MYO1H: variants seen among roughly 807,000 people sequenced by gnomAD.
The protein encoded by MYO1H is myosin IH.
MYO1H carries 118 observed loss-of-function variants against 149.3 expected under a neutral mutation model. The observed-to-expected ratio is 0.79, with a 90% CI of 0.68 to 0.92. The LOEUF is 0.92. Among genes scored for constraint, MYO1H ranks in the 40% least tolerant of loss-of-function variants. The pLI, the probability that MYO1H is intolerant of heterozygous loss-of-function variation, is 0.00. For synonymous variants in MYO1H, 447 were observed against 465.2 expected, an observed-to-expected ratio of 0.96 and a Z score of 0.50; for missense variants, 1,212 against 1,280.7, an observed-to-expected ratio of 0.95 and a Z score of 0.82.
intron 5 of MYO1H, among the ~76,000 whole-genome samples, chr12:109,398,424 G>T (rs999976224): frequency 2.0e-5 from 3 of 152,080 alleles, no homozygotes; most frequent in African/African-American, 4.8e-5. Flanking sequence ...ATGCCAGCAT[G>T]ATATCATTTT....
In MYO1H at chr12:109,427,409, C is replaced by T. The variant is rs984626943; in HGVS notation, c.1832-60C>T. On this transcript the variant is annotated intron_variant, in intron 18 of 31. Transcript: ENST00000310903. Reference sequence around the variant, plus strand: ...CTTCAGCTTGCAGCCTGTGATCTGCCTTGGTTGATATGAAGCCATGGGATC... The same window carrying T: ...CTTCAGCTTGCAGCCTGTGATCTGCTTTGGTTGATATGAAGCCATGGGATC... 4.4e-6 allele frequency: 5 copies of T among 1,127,460 alleles called. No homozygotes were observed. The Admixed American group carries it at 6.8e-5, about 15-fold the overall frequency. The allele number at this position is 1,127,460 out of a possible 1,614,324, so 69.8% of individuals were successfully genotyped here.
At chr12:109,390,782 C>T (rs1014215838) in intron 2 of MYO1H, among the ~76,000 whole-genome samples, 10 of 152,154 alleles carry the variant, frequency 6.6e-5, no homozygotes, top group African/African-American at 2.4e-4. Flanking sequence ...TCTCCTGCCT[C>T]AGCCTCCCAA....
chr12:109,409,263 T>C (rs1468368827), intron 10 of MYO1H, among the ~76,000 whole-genome samples: 2 of 112,984 alleles, frequency 1.8e-5, no homozygotes, highest in Non-Finnish European at 3.5e-5. Flanking sequence ...TTTTTTTTTT[T>C]TTTTTTTTTT....
exon 32 of MYO1H, chr12:109,447,486 G>A: frequency 2.0e-6 from 1 of 494,338 alleles, no homozygotes; most frequent in Non-Finnish European, 3.7e-6. Flanking sequence ...GTCATTAGAG[G>A]GTGGGCAAGA....
At chr12:109,396,437 A>G (rs780617590) in exon 4 of MYO1H, 6 of 1,613,810 alleles carry the variant, frequency 3.7e-6, no homozygotes, top group East Asian at 2.2e-5. Context: ...CTAAATAACC[A>G]TTTCATCCTC....
At chr12:109,318,967 G>GTTTTTTTTTTTTTTTTTTTTTTTTTTTTT in the MYO1H span, among the ~76,000 whole-genome samples, 9 of 79,596 alleles carry the variant, frequency 1.1e-4, 1 homozygote, top group Admixed American at 3.3e-4. Flanking sequence ...TGCGTTTTTG[G>GTTTTTTTTTTTTTTTTTTTTTTTTTTTTT]TTTTGTTTTT....
chr12:109,327,047 G>C, the MYO1H span, among the ~76,000 whole-genome samples: 6 of 151,924 alleles, frequency 3.9e-5, no homozygotes, highest in Non-Finnish European at 5.9e-5. Context: ...CAAGGAGGAG[G>C]AGGGAACTCT....
intron 19 of MYO1H, 52 bp from the exon 20 acceptor site, chr12:109,432,845 G>A: frequency 3.3e-6 from 5 of 1,495,456 alleles, no homozygotes; most frequent in South Asian, 1.1e-5. Context: ...ATGTGGGGGA[G>A]GGCTAGAGGA....
chr12:109,321,741 T>C, the MYO1H span, among the ~76,000 whole-genome samples: 1 of 152,188 alleles, frequency 6.6e-6, no homozygotes, highest in African/African-American at 2.4e-5. Flanking sequence ...AATACCACTT[T>C]ATATCCATCA....
At chr12:109,436,062 T>G (rs1871844685) in intron 21 of MYO1H, among the ~76,000 whole-genome samples, 1 of 152,178 alleles carries the variant, frequency 6.6e-6, no homozygotes, top group South Asian at 2.1e-4. Flanking sequence ...GAGAGTGTTC[T>G]CTGATCAGAC....
chr12:109,394,857 A>G (rs1466611019), intron 3 of MYO1H, among the ~76,000 whole-genome samples: 2 of 152,076 alleles, frequency 1.3e-5, no homozygotes, highest in Admixed American at 1.3e-4. Flanking sequence ...CACCTCCCAG[A>G]GCTCAGGTGA....
At chr12:109,420,341 T>G (rs935489382) in intron 15 of MYO1H, among the ~76,000 whole-genome samples, 4 of 152,174 alleles carry the variant, frequency 2.6e-5, no homozygotes, top group African/African-American at 9.7e-5. Flanking sequence ...TATTAGTCCA[T>G]TCTCACATTG....
At chr12:109,354,427 C>G (rs1303692368) in intron 1 of MYO1H, 1 of 144,570 alleles carries the variant, frequency 6.9e-6, no homozygotes, top group African/African-American at 2.6e-5. Flanking sequence ...ACAGTCGAAT[C>G]TCTTGTCTCT....
chr12:109,314,971 G>A, the MYO1H span, among the ~76,000 whole-genome samples: 2 of 152,110 alleles, frequency 1.3e-5, no homozygotes, highest in Non-Finnish European at 2.9e-5. Context: ...CTGTGGTGAC[G>A]TGTGTCTGTA....
At chr12:109,406,711 A>T in intron 8 of MYO1H, 78 bp from the exon 9 acceptor site, 1 of 1,374,128 alleles carries the variant, frequency 7.3e-7, no homozygotes, top group Non-Finnish European at 1.0e-6. Flanking sequence ...ACAGAGCCAT[A>T]CCTTGTCTCT....
chr12:109,345,571 A>G (rs142632449), upstream of MYO1H, among the ~76,000 whole-genome samples: 11 of 152,332 alleles, frequency 7.2e-5, no homozygotes, highest in Admixed American at 5.2e-4. Flanking sequence ...AAAGTTAAAC[A>G]TAGAGTTAAC....
chr12:109,432,046 G>T (rs958362193), intron 19 of MYO1H, among the ~76,000 whole-genome samples: 13 of 131,376 alleles, frequency 9.9e-5, no homozygotes, highest in Admixed American at 5.5e-4. Context: ...CTGTCGCCCA[G>T]GCTGGAGTAC....
chr12:109,395,411 G>A (rs867753963), intron 3 of MYO1H, among the ~76,000 whole-genome samples: 1 of 152,016 alleles, frequency 6.6e-6, no homozygotes, highest in Non-Finnish European at 1.5e-5. Context: ...ACATGTTGAT[G>A]GATTAAAAAC....
chr12:109,404,214 A>G (rs1870281892), intron 7 of MYO1H, 134 bp downstream of exon 7: 1 of 678,906 alleles, frequency 1.5e-6, no homozygotes, highest in East Asian at 2.8e-5. Context: ...GTGGTGGCGC[A>G]CACCTGTAAT....
Sources: gnomAD v4.1 joint callset for allele counts (sites outside exome capture counted in the v4.1 genomes callset) on GRCh38, gnomAD v4.1.1 for gene constraint, MANE v1.5 for transcripts, NCBI Gene and HGNC (gene_info 2026-07-23, HGNC 2026-07-21) for gene names.